Variants in ABCD3 observed in about 807,000 individuals in gnomAD.
ABCD3 encodes the protein ATP binding cassette subfamily D member 3, also known as ATP-binding cassette sub-family D member 3.
In ABCD3, 41 loss-of-function variants were observed where a neutral mutation model predicts 105.5. The ratio of observed to expected loss-of-function variants is 0.39; its 90% CI spans 0.30 to 0.50. The LOEUF (loss-of-function observed/expected upper bound fraction) is 0.50, where lower values mean the gene tolerates loss of function less well. Ranked by LOEUF, ABCD3 falls within the 20% of genes least tolerant of loss-of-function variation. ABCD3 has a pLI of 0.84. For missense variants in ABCD3, 622 were observed against 806.3 expected, an observed-to-expected ratio of 0.77 and a Z score of 2.77; for synonymous variants, 258 against 269.0, an observed-to-expected ratio of 0.96 and a Z score of 0.40.
chr1:94,401,183 A>G, the ABCD3 span, among the ~76,000 whole-genome samples: 1 of 152,244 alleles, frequency 6.6e-6, no homozygotes, highest in Non-Finnish European at 1.5e-5. Context: ...CCAAAAACGG[A>G]TTAAGAACAT....
chr1:94,439,920 A>T (rs538438599), intron 1 of ABCD3, among the ~76,000 whole-genome samples: 1 of 152,128 alleles, frequency 6.6e-6, no homozygotes, highest in African/African-American at 2.4e-5. Flanking sequence ...TGCAGTGGCT[A>T]TTCACAGGTG....
the ABCD3 span, among the ~76,000 whole-genome samples, chr1:94,388,668 A>G: frequency 6.6e-6 from 1 of 152,160 alleles, no homozygotes; most frequent in African/African-American, 2.4e-5. Flanking sequence ...GTGGCCACAG[A>G]AGATAGAATT....
At chr1:94,407,396 C>T in the ABCD3 span, among the ~76,000 whole-genome samples, 2 of 152,122 alleles carry the variant, frequency 1.3e-5, no homozygotes, top group Admixed American at 1.3e-4. Context: ...GTGATCCGCC[C>T]GCCTCGACCT....
At chr1:94,504,428 C>G (rs1650254302) in intron 20 of ABCD3, among the ~76,000 whole-genome samples, 1 of 152,082 alleles carries the variant, frequency 6.6e-6, no homozygotes, top group Non-Finnish European at 1.5e-5. Context: ...CAGAAAGGAC[C>G]CACTTGGATT....
At chr1:94,417,837 C>T (rs1378910337), upstream of ABCD3, among the ~76,000 whole-genome samples, 8 of 151,320 alleles carry the variant, frequency 5.3e-5, no homozygotes, top group African/African-American at 9.8e-5. Context: ...AGATTATAAC[C>T]CGCGGTTTGG....
In ABCD3 at chr1:94,517,037, C is replaced by A. The variant is rs1328779407; in HGVS notation, c.1903-15C>A. The A allele has an allele frequency of 1.3e-6, 2 of 1,589,914 alleles. No individual in the cohort carries two copies. The highest frequency in any genetic ancestry group is 1.1e-5 in the South Asian group (1 of 90,556). On this transcript the variant is annotated splice_polypyrimidine_tract_variant and intron_variant, in intron 22 of 22. Coordinates refer to ENST00000370214, the MANE Select transcript of ABCD3 (RefSeq NM_002858.4). ...CTCTTAGTTACTGACTTTTTTTCCC[C>A]CTTCTTTCCCATAGTACTACCTGCA...
upstream of ABCD3, among the ~76,000 whole-genome samples, chr1:94,418,189 G>A (rs1210699167): frequency 2.0e-5 from 3 of 152,326 alleles, no homozygotes; most frequent in African/African-American, 7.2e-5. Flanking sequence ...AGTAGCAACA[G>A]CTCCTCCGCG....
intron 1 of ABCD3, among the ~76,000 whole-genome samples, chr1:94,441,232 A>G (rs1660122061): frequency 6.6e-6 from 1 of 152,246 alleles, no homozygotes; most frequent in Admixed American, 6.5e-5. Context: ...AGGGCTAATA[A>G]GTATATAGAT....
At chr1:94,486,400 A>G (rs950430985) in intron 10 of ABCD3, among the ~76,000 whole-genome samples, 17 of 152,192 alleles carry the variant, frequency 1.1e-4, no homozygotes, top group African/African-American at 4.1e-4. Context: ...TGTAAACTCC[A>G]TAAATTCAGG....
chr1:94,453,940 CTTTT>C (rs201776214), intron 1 of ABCD3, among the ~76,000 whole-genome samples: 1 of 141,034 alleles, frequency 7.1e-6, no homozygotes, highest in Non-Finnish European at 1.5e-5. Context: ...TATTATTAAT[CTTTT>C]TTTTTTTCAT....
At chr1:94,385,819 C>T in the ABCD3 span, among the ~76,000 whole-genome samples, 2 of 151,858 alleles carry the variant, frequency 1.3e-5, no homozygotes, top group Non-Finnish European at 2.9e-5. Flanking sequence ...ATAAATGGTG[C>T]GGAGATGCAT....
Position 94,506,520 on chromosome 1 carries a change from A to T in ABCD3, c.1741-18A>T, listed in dbSNP as rs542062592. 81 of 1,579,326 alleles carry T rather than the reference A, an allele frequency of 5.1e-5. No individual in the cohort carries two copies. The South Asian group carries it at 6.7e-4, about 13-fold the overall frequency. On this transcript the variant is annotated intron_variant, in intron 20 of 22. Coordinates refer to ENST00000370214, the MANE Select transcript of ABCD3 (RefSeq NM_002858.4). ...GGTCTGCCTGTGTTTTACACAAAAAATTTTTTTTATGCTTCAGATGGCAAG... is the reference window on the plus strand; with the variant it reads ...GGTCTGCCTGTGTTTTACACAAAAATTTTTTTTTATGCTTCAGATGGCAAG...
the ABCD3 span, among the ~76,000 whole-genome samples, chr1:94,397,322 C>G: frequency 6.6e-6 from 1 of 152,188 alleles, no homozygotes; most frequent in African/African-American, 2.4e-5. Flanking sequence ...CACTTATGCT[C>G]TTTTTCTGCT....
intron 9 of ABCD3, chr1:94,481,505 T>A (rs1264342157): frequency 6.6e-6 from 1 of 152,224 alleles, no homozygotes; most frequent in Admixed American, 6.5e-5. Context: ...GCTCCAGTAA[T>A]AAGAACACTC....
At chr1:94,431,817 T>C (rs1180150217) in intron 1 of ABCD3, among the ~76,000 whole-genome samples, 1 of 152,184 alleles carries the variant, frequency 6.6e-6, no homozygotes, top group African/African-American at 2.4e-5. Context: ...TAGTTCTTTA[T>C]TTACCTGTGA....
In ABCD3 at chr1:94,489,919, A is replaced by G; in HGVS notation, c.1266A>G (p.Gln422=). ...CCATTTAAGGTATTGAAGGAGTACA[A>G]GTCATTCCCTTGATACCTGGTGCTG... ...SQQEKGIEGV[Q]VIPLIPGAGE... The change falls in exon 15 of 23, where the codon CAA becomes CAG. Residue 422 remains glutamine (Q), a synonymous_variant. Transcript: ENST00000370214. The G allele has an allele frequency of 6.2e-7, 1 of 1,613,208 alleles. No individual in the cohort carries two copies.
rs139789899 is a variant in ABCD3, at chr1:94,443,125, C to G, written c.111-15482C>G. ...TTTTTCTCCACATCCTTGCCAACAT[C>G]TGTTGTTTTTTGACTTTTTAATAAT... On this transcript the variant is annotated intron_variant, in intron 1 of 22. Coordinates refer to ENST00000370214, the MANE Select transcript of ABCD3 (RefSeq NM_002858.4). Among the ~76,000 whole-genome samples, 13 of 152,252 alleles carry G rather than the reference C, an allele frequency of 8.5e-5. No individual in the cohort carries two copies. The East Asian group carries it at 2.1e-3, about 25-fold the overall frequency.
At chr1:94,423,990 G>A (rs1659369897) in intron 1 of ABCD3, among the ~76,000 whole-genome samples, 1 of 152,176 alleles carries the variant, frequency 6.6e-6, no homozygotes, top group South Asian at 2.1e-4. Flanking sequence ...TGAGGGGCTA[G>A]AGCGGCTTGA....
the ABCD3 span, among the ~76,000 whole-genome samples, chr1:94,388,072 A>G: frequency 6.6e-6 from 1 of 152,174 alleles, no homozygotes; most frequent in Non-Finnish European, 1.5e-5. Context: ...ATGTTTCTTA[A>G]TTATGTTTTT....
Sources: allele counts gnomAD v4.1 joint callset (sites outside exome capture counted in the v4.1 genomes callset), GRCh38; gene constraint gnomAD v4.1.1; transcripts MANE v1.5; gene names NCBI Gene and HGNC (gene_info 2026-07-23, HGNC 2026-07-21).